The following ROBO1 variants were observed in gnomAD, a reference collection of about 807,000 sequenced individuals.
ROBO1 encodes the protein roundabout guidance receptor 1.
Under a neutral mutation model 195.9 loss-of-function variants are expected in ROBO1, and 149 were observed. The ratio of observed to expected loss-of-function variants is 0.76; its 90% CI spans 0.67 to 0.87. The LOEUF is 0.87. ROBO1 is among the 40% of genes least tolerant of loss of function. ROBO1 has a pLI of 0.00. For synonymous variants in ROBO1, 816 were observed against 733.2 expected, an observed-to-expected ratio of 1.11 and a Z score of -1.82; for missense variants, 1,933 against 2,068.3, an observed-to-expected ratio of 0.93 and a Z score of 1.27.
At chr3:78,629,163 T>C (rs1422060729) in intron 25 of ROBO1, among the ~76,000 whole-genome samples, 1 of 152,172 alleles carries the variant, frequency 6.6e-6, no homozygotes, top group Non-Finnish European at 1.5e-5. Flanking sequence ...CCCATGTCCA[T>C]AAAACCCCTT....
intron 3 of ROBO1, among the ~76,000 whole-genome samples, chr3:79,051,659 A>C (rs1367457408): frequency 5.9e-5 from 9 of 152,082 alleles, no homozygotes. Flanking sequence ...AAATCCTCAT[A>C]AAATGTTGCG....
intron 3 of ROBO1, among the ~76,000 whole-genome samples, chr3:79,121,936 A>G (rs1314272857): frequency 6.6e-6 from 1 of 151,926 alleles, no homozygotes; most frequent in Non-Finnish European, 1.5e-5. Context: ...TTTTCTTTAA[A>G]TTTTGTGTCC....
chr3:78,698,558 C>T (rs1490994322), intron 8 of ROBO1, among the ~76,000 whole-genome samples: 1 of 152,086 alleles, frequency 6.6e-6, no homozygotes, highest in Non-Finnish European at 1.5e-5. Flanking sequence ...TTTGCTGTCA[C>T]AACTGATGTG....
intron 2 of ROBO1, among the ~76,000 whole-genome samples, chr3:79,469,177 T>C (rs1300694040): frequency 1.3e-5 from 2 of 152,068 alleles, no homozygotes; most frequent in South Asian, 4.1e-4. Flanking sequence ...AAAGAATGGT[T>C]TATAAAGAAT....
chr3:79,420,158 C>T (rs950816775), intron 2 of ROBO1, among the ~76,000 whole-genome samples: 2 of 152,096 alleles, frequency 1.3e-5, no homozygotes, highest in Non-Finnish European at 2.9e-5. Flanking sequence ...TTTCAGAATT[C>T]ATGAGATTCT....
chr3:79,283,954 C>T (rs572775880), intron 2 of ROBO1, among the ~76,000 whole-genome samples: 23 of 152,202 alleles, frequency 1.5e-4, no homozygotes, highest in Non-Finnish European at 3.1e-4. Context: ...GCCTCGGCCT[C>T]CCAAAGTGCT....
At chr3:79,434,656 G>A (rs1312233354) in intron 2 of ROBO1, among the ~76,000 whole-genome samples, 3 of 152,098 alleles carry the variant, frequency 2.0e-5, no homozygotes, top group Non-Finnish European at 4.4e-5. Flanking sequence ...ACAGTGTGGC[G>A]ATTCCTCAAG....
intron 2 of ROBO1, among the ~76,000 whole-genome samples, chr3:79,421,313 A>G (rs927260803): frequency 1.3e-5 from 2 of 151,642 alleles, no homozygotes; most frequent in Admixed American, 6.6e-5. Context: ...TGTATAATAA[A>G]CCCCCATGAC....
intron 4 of ROBO1, among the ~76,000 whole-genome samples, chr3:78,766,181 A>G (rs1162182836): frequency 6.6e-6 from 1 of 152,182 alleles, no homozygotes; most frequent in Non-Finnish European, 1.5e-5. Context: ...AATTTTGTTT[A>G]AAAATGATCC....
intron 4 of ROBO1, among the ~76,000 whole-genome samples, chr3:78,823,633 C>T (rs1425736161): frequency 3.3e-5 from 5 of 152,192 alleles, no homozygotes; most frequent in Non-Finnish European, 5.9e-5. Flanking sequence ...CCTCAGCTCA[C>T]ATCACTTTTA....
At chr3:79,252,688 T>TAAG (rs201659944) in intron 2 of ROBO1, among the ~76,000 whole-genome samples, 1,576 of 152,252 alleles carry the variant, frequency 0.01, 8 homozygotes, top group Non-Finnish European at 0.017. Flanking sequence ...TATCAAGTAT[T>TAAG]AAGGTAAGTG....
intron 8 of ROBO1, among the ~76,000 whole-genome samples, chr3:78,703,068 A>T (rs1423422725): frequency 6.6e-6 from 1 of 152,190 alleles, no homozygotes; most frequent in Non-Finnish European, 1.5e-5. Context: ...AAGCAACCCC[A>T]AATCTTTTTT....
intron 1 of ROBO1, among the ~76,000 whole-genome samples, chr3:79,732,708 ACT>A (rs1470694864): frequency 6.6e-6 from 1 of 151,398 alleles, no homozygotes; most frequent in Non-Finnish European, 1.5e-5. Flanking sequence ...CAGTTGACAA[ACT>A]CTTTTTCTTT....
rs1702899427 is a variant in ROBO1 at position 78,597,567 on chromosome 3, T to TA, written c.*1345dup. 6.6e-6 allele frequency: 1 copy of TA among 151,542 alleles called. No homozygotes were observed. Among genetic ancestry groups the TA allele is most frequent in the South Asian group, 2.1e-4 (1 of 4,826 alleles). The allele number at this position is 151,542 out of a possible 1,614,324, so 9.4% of individuals were successfully genotyped here. A position where few individuals can be genotyped will look rare whatever the true frequency, so the allele number is the denominator to read the frequency against. ...TTTTTTCTTCAAATAGCACCAATTA[T>TA]AAAATCAATGATATTCATAAAATGA... On this transcript the variant is annotated 3_prime_UTR_variant, in exon 31 of 31. Transcript: ENST00000464233.
intron 3 of ROBO1, among the ~76,000 whole-genome samples, chr3:79,089,022 T>C (rs1346326445): frequency 6.6e-6 from 1 of 152,058 alleles, no homozygotes; most frequent in Non-Finnish European, 1.5e-5. Context: ...AGAAAACTTG[T>C]ATTCCTCGCT....
intron 1 of ROBO1, among the ~76,000 whole-genome samples, chr3:79,621,968 AT>A (rs1180523376): frequency 6.6e-6 from 1 of 152,134 alleles, no homozygotes; most frequent in Admixed American, 6.5e-5. Flanking sequence ...AAAAATAATA[AT>A]GATAATAAGC....
chr3:79,674,309 C>T (rs1317606876), intron 1 of ROBO1, among the ~76,000 whole-genome samples: 1 of 151,834 alleles, frequency 6.6e-6, no homozygotes, highest in African/African-American at 2.4e-5. Flanking sequence ...CTGAAGAACA[C>T]GTGGCTGTTC....
At chr3:79,108,352 G>C (rs1012776812) in intron 3 of ROBO1, among the ~76,000 whole-genome samples, 2 of 151,496 alleles carry the variant, frequency 1.3e-5, no homozygotes, top group Non-Finnish European at 3.0e-5. Flanking sequence ...CACCTATTTA[G>C]TCACTTTAAA....
At chr3:79,354,949 C>T (rs958452775) in intron 2 of ROBO1, among the ~76,000 whole-genome samples, 1 of 152,048 alleles carries the variant, frequency 6.6e-6, no homozygotes, top group Admixed American at 6.6e-5. Flanking sequence ...GGGTGGATCA[C>T]GAGGTCAGGA....
Sources: allele counts gnomAD v4.1 joint callset (sites outside exome capture counted in the v4.1 genomes callset), GRCh38; gene constraint gnomAD v4.1.1; transcripts MANE v1.5; gene names NCBI Gene and HGNC (gene_info 2026-07-23, HGNC 2026-07-21).